The following DSCAM variants were observed in gnomAD, a reference collection of about 807,000 sequenced individuals.
DSCAM encodes the protein cell adhesion molecule DSCAM.
DSCAM carries 47 observed loss-of-function variants against 217.7 expected under a neutral mutation model. The observed-to-expected ratio is 0.22, with a 90% CI of 0.17 to 0.28. The LOEUF (loss-of-function observed/expected upper bound fraction) is 0.28, where lower values mean the gene tolerates loss of function less well. Among genes scored for constraint, DSCAM ranks in the 10% least tolerant of loss-of-function variants. The pLI, the probability that DSCAM is intolerant of heterozygous loss-of-function variation, is 1.00. For missense variants in DSCAM, 2,080 were observed against 2,618.3 expected, an observed-to-expected ratio of 0.79 and a Z score of 4.49; for synonymous variants, 1,056 against 1,015.3, an observed-to-expected ratio of 1.04 and a Z score of -0.76.
rs202239716 is a variant in DSCAM at position 40,708,674 on chromosome 21, G to C, written c.141C>G (p.Pro47=). 2.5e-6 allele frequency: 4 copies of C among 1,612,988 alleles called. No homozygotes were observed. Among genetic ancestry groups the C allele is most frequent in the Non-Finnish European group, 3.4e-6 (4 of 1,179,546 alleles). Residue 47 remains proline, a synonymous_variant, in exon 2 of 33, where the codon CCC becomes CCG. Coordinates refer to ENST00000400454, the MANE Select transcript of DSCAM (RefSeq NM_001389.5). ...ASTTGTLVPC[P]AAGIPPVTLR... ...GAGTCACAGGAGGGATGCCTGCTGC[G>C]GGGCAGGGCACCAGAGTCCCCGTGG...
chr21:40,229,879 G>A (rs1327395584), intron 11 of DSCAM, among the ~76,000 whole-genome samples: 2 of 152,162 alleles, frequency 1.3e-5, no homozygotes, highest in African/African-American at 4.8e-5. Context: ...TACAATTGCT[G>A]GATCCTAAGA....
chr21:40,578,146 T>G (rs1489404948), intron 3 of DSCAM, among the ~76,000 whole-genome samples: 1 of 152,044 alleles, frequency 6.6e-6, no homozygotes, highest in Non-Finnish European at 1.5e-5. Flanking sequence ...CTGAGAAAAA[T>G]AGAGTGCAGG....
At chr21:40,329,512 G>A (rs2074352611) in intron 8 of DSCAM, among the ~76,000 whole-genome samples, 1 of 151,946 alleles carries the variant, frequency 6.6e-6, no homozygotes, top group South Asian at 2.1e-4. Context: ...TACTTGGGAG[G>A]CTGAGGCAGG....
chr21:40,121,047 T>G (rs568726809), intron 20 of DSCAM, among the ~76,000 whole-genome samples: 2 of 152,288 alleles, frequency 1.3e-5, no homozygotes, highest in Non-Finnish European at 2.9e-5. Flanking sequence ...TCCCCCTATG[T>G]TCTACATTTA....
intron 1 of DSCAM, among the ~76,000 whole-genome samples, chr21:40,756,498 T>G (rs1308677521): frequency 6.6e-6 from 1 of 152,182 alleles, no homozygotes; most frequent in African/African-American, 2.4e-5. Context: ...TTCAAGTGAT[T>G]GTCCTGCCTC....
At chr21:40,811,003 A>G (rs1041809020) in intron 1 of DSCAM, among the ~76,000 whole-genome samples, 1 of 152,168 alleles carries the variant, frequency 6.6e-6, no homozygotes, top group Non-Finnish European at 1.5e-5. Flanking sequence ...TGTATAGGAG[A>G]TACTCAGTGA....
At chr21:40,755,484 A>T (rs1601217670) in intron 1 of DSCAM, among the ~76,000 whole-genome samples, 2 of 152,030 alleles carry the variant, frequency 1.3e-5, no homozygotes, top group South Asian at 2.1e-4. Flanking sequence ...AAAAGTTTTT[A>T]AAAAGATGTT....
chr21:40,105,216 G>A (rs2089803269), intron 20 of DSCAM, among the ~76,000 whole-genome samples: 1 of 152,196 alleles, frequency 6.6e-6, no homozygotes, highest in Non-Finnish European at 1.5e-5. Context: ...GCAATTGAAT[G>A]ATTTCACATA....
At chr21:40,679,880 T>G in intron 3 of DSCAM, among the ~76,000 whole-genome samples, 1 of 152,246 alleles carries the variant, frequency 6.6e-6, no homozygotes, top group East Asian at 1.9e-4. Context: ...TTAGCAATTC[T>G]TAAATAGAAC....
chr21:40,558,033 A>G (rs993354446), intron 3 of DSCAM, among the ~76,000 whole-genome samples: 17 of 132,250 alleles, frequency 1.3e-4, no homozygotes, highest in African/African-American at 4.3e-4. Flanking sequence ...AAGACCTTGT[A>G]TATTTGCATA....
chr21:40,076,100 C>T (rs972750314), intron 26 of DSCAM, among the ~76,000 whole-genome samples: 1 of 152,138 alleles, frequency 6.6e-6, no homozygotes, highest in Non-Finnish European at 1.5e-5. Context: ...AATATAATTT[C>T]TCCCTCAGCA....
intron 3 of DSCAM, among the ~76,000 whole-genome samples, chr21:40,667,242 T>C (rs534727559): frequency 6.6e-6 from 1 of 152,328 alleles, no homozygotes; most frequent in East Asian, 1.9e-4. Context: ...GAAAAATGCA[T>C]GTTTCCCTCC....
chr21:40,293,779 C>T (rs371302746), intron 10 of DSCAM, among the ~76,000 whole-genome samples: 6 of 151,810 alleles, frequency 4.0e-5, no homozygotes, highest in South Asian at 2.1e-4. Context: ...GAGCTGAGAT[C>T]GCACCACTGC....
chr21:40,065,134 G>A (rs2089187730), intron 27 of DSCAM, among the ~76,000 whole-genome samples: 1 of 152,096 alleles, frequency 6.6e-6, no homozygotes, highest in Non-Finnish European at 1.5e-5. Flanking sequence ...GGAGTTGCAG[G>A]GAGTCCAGGA....
intron 20 of DSCAM, among the ~76,000 whole-genome samples, chr21:40,123,911 G>A (rs1191406089): frequency 6.6e-6 from 1 of 152,124 alleles, no homozygotes; most frequent in African/African-American, 2.4e-5. Context: ...CACAATCAAG[G>A]CCTCTGGGTT....
At chr21:40,584,436 C>T (rs948006168) in intron 3 of DSCAM, among the ~76,000 whole-genome samples, 7 of 152,126 alleles carry the variant, frequency 4.6e-5, no homozygotes, top group African/African-American at 1.4e-4. Flanking sequence ...ATCTCAGAAG[C>T]GTCGGCAGCA....
intron 1 of DSCAM, among the ~76,000 whole-genome samples, chr21:40,739,004 C>A (rs1332411471): frequency 6.6e-6 from 1 of 152,202 alleles, no homozygotes; most frequent in Non-Finnish European, 1.5e-5. Flanking sequence ...GTGGGGAGTG[C>A]ACCATTTCTG....
intron 8 of DSCAM, among the ~76,000 whole-genome samples, chr21:40,314,324 T>A (rs1432965056): frequency 6.6e-6 from 1 of 152,214 alleles, no homozygotes; most frequent in Non-Finnish European, 1.5e-5. Context: ...TTAATTTTTT[T>A]AAATGGTCAA....
chr21:40,633,674 T>C (rs775856448), intron 3 of DSCAM, among the ~76,000 whole-genome samples: 6 of 152,114 alleles, frequency 3.9e-5, no homozygotes, highest in Non-Finnish European at 7.3e-5. Context: ...TAGCTAGACA[T>C]TGAGAATAAG....
Sources: allele counts gnomAD v4.1 joint callset (sites outside exome capture counted in the v4.1 genomes callset), GRCh38; gene constraint gnomAD v4.1.1; transcripts MANE v1.5; gene names NCBI Gene and HGNC (gene_info 2026-07-23, HGNC 2026-07-21).